Variants in PCDHGA6 observed in about 807,000 individuals in gnomAD.
PCDHGA6 encodes protocadherin gamma subfamily A, 6, also known as protocadherin gamma-A6.
A neutral mutation model predicts 60.6 loss-of-function variants in PCDHGA6; 41 were observed. That is an observed-to-expected ratio of 0.68 (90% CI 0.53 to 0.88). PCDHGA6 has a LOEUF of 0.88. Among genes scored for constraint, PCDHGA6 ranks in the 40% least tolerant of loss-of-function variants. PCDHGA6 has a pLI of 0.00. For missense variants in PCDHGA6, 1,312 were observed against 1,203.0 expected (o/e 1.09, Z -1.34); for synonymous variants, 594 against 524.4 (o/e 1.13, Z -1.81).
At position 141,485,789 on chromosome 5, in the gene PCDHGA6, T is replaced by G. The variant is rs1276069810; in HGVS notation, c.2425-9018T>G. The G allele has an allele frequency of 1.2e-6, 2 of 1,613,978 alleles. No individual in the cohort carries two copies. The highest frequency in any genetic ancestry group is 1.7e-6 in the Non-Finnish European group (2 of 1,180,030). On this transcript the variant is annotated intron_variant, in intron 1 of 3. Coordinates refer to ENST00000517434, the MANE Select transcript of PCDHGA6 (RefSeq NM_018919.3). This position sits in a 1 kb window ranked among gnomAD's most constrained non-coding sequence, Gnocchi z 5.7. ...GAAGCCTTTGGATCGAGAGAAGCAATCGGACTACCGCCTGGTGCTGACTGC... is the reference window on the plus strand; with the variant it reads ...GAAGCCTTTGGATCGAGAGAAGCAAGCGGACTACCGCCTGGTGCTGACTGC...
chr5:141,413,224 C>G, intron 1 of PCDHGA6: 1 of 1,613,790 alleles, frequency 6.2e-7, no homozygotes, highest in Non-Finnish European at 8.5e-7. Context: ...TTGCAGCGGG[C>G]TGGTCCTGCT....
chr5:141,412,976 A>C (rs2095594590), intron 1 of PCDHGA6: 1 of 535,900 alleles, frequency 1.9e-6, no homozygotes. Context: ...GAGAAAACGC[A>C]GCCAGAGCTC....
intron 1 of PCDHGA6, among the ~76,000 whole-genome samples, chr5:141,437,980 C>T (rs1198278358): frequency 1.3e-5 from 2 of 152,050 alleles, no homozygotes; most frequent in Non-Finnish European, 2.9e-5. Flanking sequence ...TTGGGATGCA[C>T]CCACCCCACC....
chr5:141,387,938 T>G (rs1461367286), intron 1 of PCDHGA6: 1 of 1,476,714 alleles, frequency 6.8e-7, no homozygotes, highest in South Asian at 1.4e-5. Context: ...CAGTGCTCTT[T>G]CTCTTCCTGC....
At chr5:141,383,303 C>T (rs1445366017) in intron 1 of PCDHGA6, 4 of 1,613,892 alleles carry the variant, frequency 2.5e-6, no homozygotes. Flanking sequence ...AGATTCTTGA[C>T]GGAAGAAATA....
intron 1 of PCDHGA6, chr5:141,382,842 A>C: frequency 2.0e-6 from 3 of 1,464,302 alleles, no homozygotes; most frequent in Non-Finnish European, 2.8e-6. Context: ...ACCCGGATAC[A>C]CCCGCATTCT....
rs1193417991 is a variant in PCDHGA6 at position 141,491,413 on chromosome 5, G to T, written c.2425-3394G>T. The T allele has an allele frequency of 6.2e-7, 1 of 1,614,064 alleles. No individual in the cohort carries two copies. Among genetic ancestry groups the T allele is most frequent in the South Asian group, 1.1e-5 (1 of 91,074 alleles). ...CCTTCAGGGAAACGCAGACGGGGAC[G>T]GGGGTGGAGGGCAGTGCTGCAGGCG... On this transcript the variant is annotated intron_variant, in intron 1 of 3. Transcript: ENST00000517434. This position sits in a 1 kb window ranked among gnomAD's most constrained non-coding sequence, Gnocchi z 6.9.
intron 1 of PCDHGA6, chr5:141,416,827 T>A (rs981344540): frequency 1.2e-4 from 18 of 152,268 alleles, no homozygotes; most frequent in African/African-American, 3.9e-4. Context: ...CCGAAGTTTC[T>A]CAAGACCCTT....
chr5:141,504,010 C>G (rs980812107), intron 2 of PCDHGA6, among the ~76,000 whole-genome samples: 9 of 152,204 alleles, frequency 5.9e-5, no homozygotes, highest in African/African-American at 1.2e-4. Context: ...TTAACTGTCT[C>G]TGCTGGTCTC....
intron 1 of PCDHGA6, among the ~76,000 whole-genome samples, chr5:141,474,248 A>G (rs2099346089): frequency 6.6e-6 from 1 of 152,220 alleles, no homozygotes; most frequent in African/African-American, 2.4e-5. Context: ...TAGGGGAAAA[A>G]AAGACTGATA....
chr5:141,432,934 G>GC lies in PCDHGA6; in HGVS notation c.2424+56428dup. On this transcript the variant is annotated intron_variant, in intron 1 of 3. Transcript: ENST00000517434. The surrounding 1 kb of genome is among the most constrained non-coding windows in gnomAD (Gnocchi z 6.0). ...GGCGCTGGCACAAGTCACGCCTGCT[G>GC]CAGGCTTCAGGAGGCGGCTTGACAG... The GC allele has an allele frequency of 6.2e-7, 1 of 1,614,196 alleles. No individual in the cohort carries two copies. Among genetic ancestry groups the GC allele is most frequent in the Non-Finnish European group, 8.5e-7 (1 of 1,180,040 alleles).
chr5:141,468,049 G>C (rs2099156671), intron 1 of PCDHGA6, among the ~76,000 whole-genome samples: 1 of 152,068 alleles, frequency 6.6e-6, no homozygotes, highest in African/African-American at 2.4e-5. Context: ...ACTAAGCCGG[G>C]CACAGTGGCT....
At chr5:141,435,214 A>T (rs1314928643) in intron 1 of PCDHGA6, among the ~76,000 whole-genome samples, 1 of 152,176 alleles carries the variant, frequency 6.6e-6, no homozygotes, top group Non-Finnish European at 1.5e-5. Context: ...AAGTGAATTT[A>T]CTTTCTTTCA....
In PCDHGA6 at chr5:141,404,090, G is replaced by T. The variant is rs1014506897; in HGVS notation, c.2424+27583G>T. On this transcript the variant is annotated intron_variant, in intron 1 of 3. Transcript: ENST00000517434. ...TCATGACCGAGACTCCGGGAAGAATGGTCAAGTTGTCTGTTCTATCCAGGA... is the reference window on the plus strand; with the variant it reads ...TCATGACCGAGACTCCGGGAAGAATTGTCAAGTTGTCTGTTCTATCCAGGA... 4 of 1,613,262 alleles carry T rather than the reference G, an allele frequency of 2.5e-6. No homozygotes were observed. In the Admixed American group the frequency reaches 6.7e-5, roughly 27 times the overall value.
At chr5:141,390,362 G>GA (rs1411664231) in intron 1 of PCDHGA6, 10 of 1,532,890 alleles carry the variant, frequency 6.5e-6, no homozygotes, top group Middle Eastern at 3.5e-4. Context: ...ATATTTGCAG[G>GA]AAAATATATA....
At chr5:141,492,993 G>A (rs952802686) in intron 1 of PCDHGA6, among the ~76,000 whole-genome samples, 5 of 152,216 alleles carry the variant, frequency 3.3e-5, no homozygotes, top group African/African-American at 1.2e-4. Flanking sequence ...CTGGCAGATG[G>A]AAAGCTATAG....
intron 1 of PCDHGA6, chr5:141,427,227 A>G (rs111948686): frequency 8.8e-6 from 4 of 456,798 alleles, no homozygotes; most frequent in African/African-American, 4.0e-5. Flanking sequence ...CAGTTATACC[A>G]TGAGAGTAGA....
chr5:141,400,459 G>T, intron 1 of PCDHGA6: 1 of 1,614,072 alleles, frequency 6.2e-7, no homozygotes, highest in African/African-American at 1.3e-5. Context: ...CATACTTTGT[G>T]GTGATTCATC....
chr5:141,512,656 C>G lies in PCDHGA6; in HGVS notation c.*1483C>G, dbSNP rs1262748947. ...CCCTTACAGTAGTGTAGCGCCCCCT[C>G]CCTCTTTCGGCTGGTGTAGAATAGC... On this transcript the variant is annotated 3_prime_UTR_variant, in exon 4 of 4. Coordinates refer to ENST00000517434, the MANE Select transcript of PCDHGA6 (RefSeq NM_018919.3). 1 of 152,508 alleles carries G rather than the reference C, an allele frequency of 6.6e-6. No homozygotes were observed. The highest frequency in any genetic ancestry group is 1.5e-5 in the Non-Finnish European group (1 of 68,228). The allele number at this position is 152,508 out of a possible 1,614,324, so 9.4% of individuals were successfully genotyped here.
Sources: allele counts gnomAD v4.1 joint callset (sites outside exome capture counted in the v4.1 genomes callset), GRCh38; gene constraint gnomAD v4.1.1; non-coding constraint Gnocchi (gnomAD v3.1); transcripts MANE v1.5; gene names NCBI Gene and HGNC (gene_info 2026-07-23, HGNC 2026-07-21).